ZDHHC3: variants seen among roughly 807,000 people sequenced by gnomAD.
ZDHHC3 encodes the protein palmitoyltransferase ZDHHC3.
Under a neutral mutation model 30.6 loss-of-function variants are expected in ZDHHC3, and 9 were observed. The ratio of observed to expected loss-of-function variants is 0.29; its 90% CI spans 0.18 to 0.51. ZDHHC3 has a LOEUF of 0.51. ZDHHC3 is among the 20% of genes least tolerant of loss of function. The pLI is 0.97. For synonymous variants in ZDHHC3, 136 were observed against 140.2 expected, an observed-to-expected ratio of 0.97 and a Z score of 0.21; for missense variants, 246 against 384.2, an observed-to-expected ratio of 0.64 and a Z score of 3.01.
intron 1 of ZDHHC3, among the ~76,000 whole-genome samples, chr3:44,973,130 G>A (rs1346600549): frequency 6.6e-6 from 1 of 152,230 alleles, no homozygotes; most frequent in Admixed American, 6.5e-5. Context: ...GTTTATGCTT[G>A]AACAGACTTC....
At chr3:44,963,939 C>T (rs898821622) in intron 1 of ZDHHC3, among the ~76,000 whole-genome samples, 2 of 152,222 alleles carry the variant, frequency 1.3e-5, no homozygotes, top group Non-Finnish European at 2.9e-5. Flanking sequence ...GGCTCACACA[C>T]GAGGGATGAT....
Position 44,921,514 on chromosome 3 carries a change from A to G in ZDHHC3, c.*5175T>C. 1.0e-6 allele frequency: 1 copy of G among 985,464 alleles called. No individual in the cohort carries two copies. Among genetic ancestry groups the G allele is most frequent in the Non-Finnish European group, 1.2e-6 (1 of 829,944 alleles). 61.0% of individuals were successfully genotyped at this position (985,464 alleles called of 1,614,324 possible). ...AACAATACTTATCCTGCAATATGTA[A>G]TGCATTAAACATTTTTCTTGAAAAA... On this transcript the variant is annotated 3_prime_UTR_variant, in exon 7 of 7. Transcript: ENST00000424952.
In ZDHHC3 at chr3:44,975,997, C is replaced by A; in HGVS notation, c.-89G>T. 2 of 356,082 alleles carry A rather than the reference C, an allele frequency of 5.6e-6. No homozygotes were observed. Among genetic ancestry groups the A allele is most frequent in the Non-Finnish European group, 1.0e-5 (2 of 199,772 alleles). The allele number at this position is 356,082 out of a possible 1,614,324, so 22.1% of individuals were successfully genotyped here. On this transcript the variant is annotated 5_prime_UTR_variant, in exon 1 of 7. Transcript: ENST00000424952. ...GGGGCTCCCGCCGCCGCCGCCGCTG[C>A]CTTCCCCTGCAGTCCCCAACCCGGG...
intron 1 of ZDHHC3, among the ~76,000 whole-genome samples, 165 bp downstream of exon 1, chr3:44,975,768 T>TCACACA (rs1392636735): frequency 9.5e-4 from 134 of 140,862 alleles, no homozygotes; most frequent in African/African-American, 2.6e-3. Flanking sequence ...TCTCTCTCTC[T>TCACACA]CTCTCACACA....
At position 44,919,818 on chromosome 3, in the gene ZDHHC3, A is replaced by G; in HGVS notation, c.*6871T>C. On this transcript the variant is annotated 3_prime_UTR_variant, in exon 7 of 7. Coordinates refer to ENST00000424952, the MANE Select transcript of ZDHHC3 (RefSeq NM_001135179.2). The stretch of plus-strand genomic sequence containing the variant: ...GAACTCTTTGTACTGTTTTTGTCAC[A>G]TTTTTGTAAGTCTGATTTCACAAAA... The G allele has an allele frequency of 1.1e-6, 1 of 947,162 alleles. No homozygotes were observed. 58.7% of individuals were successfully genotyped at this position (947,162 alleles called of 1,614,324 possible).
rs904501959 is a variant in ZDHHC3, at chr3:44,924,139, A to G, written c.*2550T>C. 3 of 985,448 alleles carry G rather than the reference A, an allele frequency of 3.0e-6. No homozygotes were observed. The highest frequency in any genetic ancestry group is 1.1e-4 in the East Asian group (1 of 8,808). 61.0% of individuals were successfully genotyped at this position (985,448 alleles called of 1,614,324 possible). A position where few individuals can be genotyped will look rare whatever the true frequency, so the allele number is the denominator to read the frequency against. On this transcript the variant is annotated 3_prime_UTR_variant, in exon 7 of 7. Coordinates refer to ENST00000424952, the MANE Select transcript of ZDHHC3 (RefSeq NM_001135179.2). Reference sequence around the variant, plus strand: ...ATTTCCCATGAGTGCACCAAACAGTACTATCAGAACTCCTGTGACCAAGCC... The same window carrying G: ...ATTTCCCATGAGTGCACCAAACAGTGCTATCAGAACTCCTGTGACCAAGCC...
chr3:44,921,328 C>T lies in ZDHHC3; in HGVS notation c.*5361G>A, dbSNP rs1309472341. 1.0e-6 allele frequency: 1 copy of T among 984,934 alleles called. No individual in the cohort carries two copies. Among genetic ancestry groups the T allele is most frequent in the Non-Finnish European group, 1.2e-6 (1 of 829,908 alleles). 61.0% of individuals were successfully genotyped at this position (984,934 alleles called of 1,614,324 possible). A position where few individuals can be genotyped will look rare whatever the true frequency, so the allele number is the denominator to read the frequency against. ...ATCATCAGATGTAGAAAGCCAGAGC[C>T]TCAGGGAGCAGCCTATGCAAATGTG... On this transcript the variant is annotated 3_prime_UTR_variant, in exon 7 of 7. Transcript: ENST00000424952.
chr3:44,920,956 T>C lies in ZDHHC3; in HGVS notation c.*5733A>G. On this transcript the variant is annotated 3_prime_UTR_variant, in exon 7 of 7. Coordinates refer to ENST00000424952, the MANE Select transcript of ZDHHC3 (RefSeq NM_001135179.2). Reference sequence around the variant, plus strand: ...GAGGGCTGCTTTTTCCTGGTAGGACTCAATTTTGAGTTTTGTGTGGATTTA... The same window carrying C: ...GAGGGCTGCTTTTTCCTGGTAGGACCCAATTTTGAGTTTTGTGTGGATTTA... The C allele has an allele frequency of 3.0e-6, 3 of 985,464 alleles. No individual in the cohort carries two copies. The highest frequency in any genetic ancestry group is 3.6e-6 in the Non-Finnish European group (3 of 829,920). The allele number at this position is 985,464 out of a possible 1,614,324, so 61.0% of individuals were successfully genotyped here.
Position 44,920,749 on chromosome 3 carries a change from T to C in ZDHHC3, c.*5940A>G, listed in dbSNP as rs1021327011. 1.0e-6 allele frequency: 1 copy of C among 985,280 alleles called. No homozygotes were observed. Among genetic ancestry groups the C allele is most frequent in the African/African-American group, 1.7e-5 (1 of 57,218 alleles). The allele number at this position is 985,280 out of a possible 1,614,324, so 61.0% of individuals were successfully genotyped here. A position where few individuals can be genotyped will look rare whatever the true frequency, so the allele number is the denominator to read the frequency against. On this transcript the variant is annotated 3_prime_UTR_variant, in exon 7 of 7. Coordinates refer to ENST00000424952, the MANE Select transcript of ZDHHC3 (RefSeq NM_001135179.2). ...ATTATTTGCCATTCATGTGGCATGC[T>C]CCCAGATAGGCACTCTTGGATTATA...
At chr3:44,933,845 A>G in intron 4 of ZDHHC3, 43 bp downstream of exon 4, 1 of 1,567,504 alleles carries the variant, frequency 6.4e-7, no homozygotes, top group East Asian at 2.2e-5. Context: ...AAAGTGCTCC[A>G]TTGCTTCATG....
intron 1 of ZDHHC3, among the ~76,000 whole-genome samples, chr3:44,961,130 C>T (rs553290458): frequency 1.1e-3 from 171 of 152,340 alleles, no homozygotes; most frequent in Non-Finnish European, 2.0e-3. Flanking sequence ...CAGTGGCTCA[C>T]GCCAGTAATC....
chr3:44,942,108 C>T (rs1702489787), intron 3 of ZDHHC3, among the ~76,000 whole-genome samples: 1 of 152,238 alleles, frequency 6.6e-6, no homozygotes. Context: ...CTGTGGTATC[C>T]ACCAGAGACA....
At position 44,924,430 on chromosome 3, in the gene ZDHHC3, A is replaced by AT; in HGVS notation, c.*2258dup. On this transcript the variant is annotated 3_prime_UTR_variant, in exon 7 of 7. Transcript: ENST00000424952. ...GCAACTGGTTTGAGAGCTCAGAAAC[A>AT]TTGACTCTTTCTAGCCAAGGCCTAT... The AT allele has an allele frequency of 1.0e-6, 1 of 985,464 alleles. No homozygotes were observed. The highest frequency in any genetic ancestry group is 1.2e-6 in the Non-Finnish European group (1 of 829,936). 61.0% of individuals were successfully genotyped at this position (985,464 alleles called of 1,614,324 possible).
intron 3 of ZDHHC3, among the ~76,000 whole-genome samples, chr3:44,935,133 A>T (rs1701840979): frequency 6.6e-6 from 1 of 152,100 alleles, no homozygotes; most frequent in South Asian, 2.1e-4. Context: ...GTTTAGAAAG[A>T]CTCATTTGCC....
rs1700902945 is a variant in ZDHHC3, at chr3:44,925,438, G to A, written c.*1251C>T. On this transcript the variant is annotated 3_prime_UTR_variant, in exon 7 of 7. Transcript: ENST00000424952. ...AATCATATTTGTTATTTTTGCACTT[G>A]GAGGGCACTCCCTACCTCCTTCACC... The A allele has an allele frequency of 1.0e-6, 1 of 985,498 alleles. No individual in the cohort carries two copies. The highest frequency in any genetic ancestry group is 1.7e-5 in the African/African-American group (1 of 57,368). The allele number at this position is 985,498 out of a possible 1,614,324, so 61.0% of individuals were successfully genotyped here.
At chr3:44,939,117 T>C (rs113904681) in intron 3 of ZDHHC3, among the ~76,000 whole-genome samples, 8 of 152,234 alleles carry the variant, frequency 5.3e-5, no homozygotes, top group African/African-American at 1.7e-4. Context: ...TGGGAATGGG[T>C]ATATCTCAGA....
intron 1 of ZDHHC3, among the ~76,000 whole-genome samples, 161 bp downstream of exon 1, chr3:44,975,772 T>TCTCA (rs1282814843): frequency 7.6e-4 from 89 of 116,764 alleles, no homozygotes; most frequent in South Asian, 2.2e-3. Flanking sequence ...TCTCTCTCTC[T>TCTCA]CACACACACA....
In ZDHHC3 at chr3:44,921,463, T is replaced by C. The variant is rs1386630321; in HGVS notation, c.*5226A>G. ...TTTCTGTTGCATTCCAGAACACATA[T>C]ACACACAACTCCCTAAGCTTCATAA... On this transcript the variant is annotated 3_prime_UTR_variant, in exon 7 of 7. Coordinates refer to ENST00000424952, the MANE Select transcript of ZDHHC3 (RefSeq NM_001135179.2). The C allele has an allele frequency of 6.3e-5, 62 of 985,318 alleles. No individual in the cohort carries two copies. In the East Asian group the frequency reaches 1.1e-3, roughly 18 times the overall value. 61.0% of individuals were successfully genotyped at this position (985,318 alleles called of 1,614,324 possible). A position where few individuals can be genotyped will look rare whatever the true frequency, so the allele number is the denominator to read the frequency against.
chr3:44,958,565 C>G (rs1348436380), intron 2 of ZDHHC3: 3 of 1,534,480 alleles, frequency 2.0e-6, no homozygotes, highest in Non-Finnish European at 2.6e-6. Flanking sequence ...CAGAACACTA[C>G]TGCTTTACCC....
Sources: gnomAD v4.1 joint callset for allele counts (sites outside exome capture counted in the v4.1 genomes callset) on GRCh38, gnomAD v4.1.1 for gene constraint, MANE v1.5 for transcripts, NCBI Gene and HGNC (gene_info 2026-07-23, HGNC 2026-07-21) for gene names.